Variants in PPP1R14C observed in about 807,000 individuals in gnomAD.
The protein encoded by PPP1R14C is protein phosphatase 1 regulatory subunit 14C.
Under a neutral mutation model 20.4 loss-of-function variants are expected in PPP1R14C, and 16 were observed. That is an observed-to-expected ratio of 0.78 (90% CI 0.53 to 1.19). The LOEUF is 1.19. PPP1R14C is among the 50% of genes most tolerant of loss of function. PPP1R14C has a pLI of 0.00. For missense variants in PPP1R14C, 211 were observed against 220.1 expected, an observed-to-expected ratio of 0.96 and a Z score of 0.26; for synonymous variants, 91 against 91.0, an observed-to-expected ratio of 1.00 and a Z score of 0.00.
chr6:150,197,697 A>G, intron 1 of PPP1R14C, among the ~76,000 whole-genome samples: 1 of 152,168 alleles, frequency 6.6e-6, no homozygotes, highest in African/African-American at 2.4e-5. Context: ...GAGGGCCTGG[A>G]TGCCCGGCTT....
intron 1 of PPP1R14C, among the ~76,000 whole-genome samples, chr6:150,212,021 A>G (rs966953757): frequency 6.6e-6 from 1 of 152,136 alleles, no homozygotes; most frequent in Non-Finnish European, 1.5e-5. Context: ...TTCTCATCAC[A>G]TGCCCTTGGG....
intron 1 of PPP1R14C, among the ~76,000 whole-genome samples, chr6:150,163,681 C>T (rs1030290279): frequency 6.6e-6 from 1 of 152,016 alleles, no homozygotes; most frequent in South Asian, 2.1e-4. Flanking sequence ...GAGATACACC[C>T]ACATTGTTGC....
intron 1 of PPP1R14C, among the ~76,000 whole-genome samples, chr6:150,149,319 G>GTGTGTGTGTGTGTGTT (rs1410313293): frequency 6.6e-6 from 1 of 151,756 alleles, no homozygotes; most frequent in African/African-American, 2.4e-5. Context: ...GTGTGTGTGT[G>GTGTGTGTGTGTGTGTT]TGTGTATGTG....
intron 1 of PPP1R14C, among the ~76,000 whole-genome samples, chr6:150,202,272 C>T (rs1462780397): frequency 1.3e-5 from 2 of 152,200 alleles, no homozygotes; most frequent in Non-Finnish European, 1.5e-5. Flanking sequence ...ATCTCTGTGT[C>T]CCTCCCCTGT....
chr6:150,176,131 T>A (rs2114874393), intron 1 of PPP1R14C, among the ~76,000 whole-genome samples: 2 of 152,276 alleles, frequency 1.3e-5, no homozygotes, highest in South Asian at 4.1e-4. Context: ...TTCTTATAAT[T>A]GGGGTGAACA....
intron 3 of PPP1R14C, among the ~76,000 whole-genome samples, chr6:150,237,089 A>G (rs1228800358): frequency 6.6e-6 from 1 of 151,610 alleles, no homozygotes; most frequent in Non-Finnish European, 1.5e-5. Flanking sequence ...TTGGTGTCAC[A>G]CAACATACTT....
intron 1 of PPP1R14C, among the ~76,000 whole-genome samples, chr6:150,209,945 G>C (rs899878462): frequency 4.0e-5 from 6 of 151,810 alleles, no homozygotes; most frequent in African/African-American, 1.5e-4. Flanking sequence ...GTGTGTGTAT[G>C]AGTGGTGTGG....
intron 1 of PPP1R14C, among the ~76,000 whole-genome samples, chr6:150,173,816 A>G (rs1777526140): frequency 6.6e-6 from 1 of 152,042 alleles, no homozygotes; most frequent in Non-Finnish European, 1.5e-5. Flanking sequence ...TGCAGACCTG[A>G]GGCTCCTAAG....
At chr6:150,223,645 A>G (rs933899922) in intron 3 of PPP1R14C, among the ~76,000 whole-genome samples, 1 of 152,132 alleles carries the variant, frequency 6.6e-6, no homozygotes, top group African/African-American at 2.4e-5. Context: ...ATATAACTAT[A>G]GATGTTAACT....
chr6:150,158,242 T>G (rs2114856914), intron 1 of PPP1R14C, among the ~76,000 whole-genome samples: 1 of 152,334 alleles, frequency 6.6e-6, no homozygotes, highest in East Asian at 1.9e-4. Context: ...AATTCTGCCT[T>G]GTTAATCTAG....
At chr6:150,161,265 G>C (rs957940456) in intron 1 of PPP1R14C, among the ~76,000 whole-genome samples, 3 of 116,790 alleles carry the variant, frequency 2.6e-5, no homozygotes, top group African/African-American at 1.0e-4. Context: ...GGGTGACAGA[G>C]CAAGACTGTT....
At chr6:150,203,432 C>T (rs1229399366) in intron 1 of PPP1R14C, among the ~76,000 whole-genome samples, 11 of 152,226 alleles carry the variant, frequency 7.2e-5, no homozygotes, top group Admixed American at 7.2e-4. Context: ...TGCAGTGTGT[C>T]TGCTCACCGG....
chr6:150,181,291 C>T (rs979259308), intron 1 of PPP1R14C, among the ~76,000 whole-genome samples: 1 of 152,126 alleles, frequency 6.6e-6, no homozygotes, highest in African/African-American at 2.4e-5. Flanking sequence ...TCTCTTGCCT[C>T]AGCCTCCCGA....
At chr6:150,247,518 T>A (rs1301935962) in intron 3 of PPP1R14C, among the ~76,000 whole-genome samples, 1 of 152,230 alleles carries the variant, frequency 6.6e-6, no homozygotes, top group African/African-American at 2.4e-5. Context: ...TGAAATCCTT[T>A]TAGTGAGTCT....
chr6:150,237,001 C>A (rs551900959), intron 3 of PPP1R14C, among the ~76,000 whole-genome samples: 2 of 152,290 alleles, frequency 1.3e-5, no homozygotes, highest in South Asian at 4.1e-4. Flanking sequence ...GGAACACTGA[C>A]AGCTTCCTCA....
intron 1 of PPP1R14C, among the ~76,000 whole-genome samples, chr6:150,173,259 A>G (rs1015936605): frequency 5.8e-4 from 88 of 152,132 alleles, no homozygotes; most frequent in Admixed American, 5.8e-3. Context: ...ACCACATTGC[A>G]TGAGTGGAGT....
chr6:150,202,298 C>T (rs923309249), intron 1 of PPP1R14C, among the ~76,000 whole-genome samples: 7 of 152,208 alleles, frequency 4.6e-5, no homozygotes, highest in South Asian at 2.1e-4. Flanking sequence ...CACTCTGTCA[C>T]GCAGGCTGGG....
chr6:150,214,626 A>T, intron 1 of PPP1R14C, 118 bp from the exon 2 acceptor site: 4 of 485,882 alleles, frequency 8.2e-6, no homozygotes, highest in Non-Finnish European at 1.5e-5. Context: ...CCCCCTGCTT[A>T]TCTGTCAGCC....
intron 3 of PPP1R14C, among the ~76,000 whole-genome samples, chr6:150,217,265 G>A (rs567661808): frequency 2.7e-5 from 4 of 147,122 alleles, no homozygotes; most frequent in Non-Finnish European, 3.0e-5. Flanking sequence ...GTGTGATCTC[G>A]GCTCACTGCA....
Sources: allele counts gnomAD v4.1 joint callset (sites outside exome capture counted in the v4.1 genomes callset), GRCh38; gene constraint gnomAD v4.1.1; transcripts MANE v1.5; gene names NCBI Gene and HGNC (gene_info 2026-07-23, HGNC 2026-07-21).